Variants in LRP1B observed in about 807,000 individuals in gnomAD.
LRP1B encodes low-density lipoprotein receptor-related protein 1B.
Under a neutral mutation model 556.6 loss-of-function variants are expected in LRP1B, and 217 were observed. The observed-to-expected ratio is 0.39, with a 90% CI of 0.35 to 0.44. LRP1B has a LOEUF of 0.44. LRP1B is among the 20% of genes least tolerant of loss of function. The probability of loss-of-function intolerance (pLI) is 1.00; values close to 1 mark genes in which losing one functional copy is unlikely to be tolerated. For missense variants in LRP1B, 5,053 were observed against 5,620.8 expected (o/e 0.90, Z 3.23); for synonymous variants, 2,047 against 1,865.8 (o/e 1.10, Z -2.50).
At chr2:141,513,890 A>G (rs1019093888) in intron 2 of LRP1B, among the ~76,000 whole-genome samples, 8 of 152,122 alleles carry the variant, frequency 5.3e-5, no homozygotes, top group African/African-American at 1.9e-4. Context: ...ACATCTCCCC[A>G]AAAAATGGTC....
intron 2 of LRP1B, among the ~76,000 whole-genome samples, chr2:141,665,405 C>G (rs1690390474): frequency 6.6e-6 from 1 of 152,054 alleles, no homozygotes; most frequent in Admixed American, 6.5e-5. Flanking sequence ...GTCATAATGG[C>G]TATTGTTACA....
intron 18 of LRP1B, among the ~76,000 whole-genome samples, chr2:140,975,892 T>C (rs554108511): frequency 6.6e-6 from 1 of 152,190 alleles, no homozygotes; most frequent in Admixed American, 6.6e-5. Flanking sequence ...TAGCTGAAAC[T>C]CTTCCTTATT....
intron 75 of LRP1B, among the ~76,000 whole-genome samples, chr2:140,354,692 G>A (rs932143847): frequency 2.6e-5 from 4 of 151,732 alleles, no homozygotes; most frequent in Non-Finnish European, 5.9e-5. Flanking sequence ...CATCATTTTC[G>A]CCTCATCTCT....
intron 7 of LRP1B, among the ~76,000 whole-genome samples, chr2:141,117,741 G>A (rs1700942406): frequency 6.6e-6 from 1 of 151,972 alleles, no homozygotes; most frequent in South Asian, 2.1e-4. Flanking sequence ...AATGGAGTTA[G>A]CAGCATTTTT....
intron 43 of LRP1B, among the ~76,000 whole-genome samples, chr2:140,553,543 C>T (rs1251496656): frequency 2.0e-5 from 3 of 151,886 alleles, no homozygotes; most frequent in Admixed American, 6.6e-5. Flanking sequence ...TAGATAACTA[C>T]CTTCAAATAG....
intron 66 of LRP1B, among the ~76,000 whole-genome samples, chr2:140,391,773 A>C (rs1246060224): frequency 6.6e-6 from 1 of 152,144 alleles, no homozygotes; most frequent in East Asian, 1.9e-4. Context: ...AAAAAAGTAC[A>C]TACAAAGTAC....
At position 140,742,481 on chromosome 2, in the gene LRP1B, T is replaced by C. The variant is rs538464837; in HGVS notation, c.5759-25665A>G. ...ATTAAAATATATGTTATATCCCAAA[T>C]CTTGCTATTCAATAAAACAGACGAC... is the stretch of plus-strand genomic sequence containing the variant. On this transcript the variant is annotated intron_variant, in intron 35 of 90. Coordinates refer to ENST00000389484, the MANE Select transcript of LRP1B (RefSeq NM_018557.3). Among the ~76,000 whole-genome samples, 3 of 152,284 alleles carry C rather than the reference T, an allele frequency of 2.0e-5. No homozygotes were observed. The South Asian group carries it at 6.2e-4, about 32-fold the overall frequency.
At chr2:140,290,771 A>C (rs573115432) in intron 84 of LRP1B, among the ~76,000 whole-genome samples, 7 of 152,170 alleles carry the variant, frequency 4.6e-5, no homozygotes, top group African/African-American at 1.7e-4. Context: ...GACCAGGTTG[A>C]GCCAGTATGC....
At chr2:140,772,849 T>C (rs988273739) in intron 33 of LRP1B, among the ~76,000 whole-genome samples, 1 of 152,106 alleles carries the variant, frequency 6.6e-6, no homozygotes, top group East Asian at 1.9e-4. Flanking sequence ...CTCATACCTG[T>C]AATCTCAGCA....
chr2:141,837,702 T>A (rs367758975), intron 1 of LRP1B, among the ~76,000 whole-genome samples: 1 of 152,056 alleles, frequency 6.6e-6, no homozygotes, highest in Non-Finnish European at 1.5e-5. Flanking sequence ...TAGTACATAG[T>A]AAAGGAAATC....
chr2:142,095,574 A>T lies in LRP1B; in HGVS notation c.82+35074T>A, dbSNP rs116679030. 2.8e-3 allele frequency among the ~76,000 whole-genome samples: 420 copies of T among 151,856 alleles called. 1 individual carries two copies. Among genetic ancestry groups the T allele is most frequent in the African/African-American group, 9.6e-3 (397 of 41,486 alleles). ...CCAATGACTTAAATATTCTGAGAGT[A>T]CCCATAGGGTTATATAGGCCTGAGT... is the stretch of plus-strand genomic sequence containing the variant. On this transcript the variant is annotated intron_variant, in intron 1 of 90. Coordinates refer to ENST00000389484, the MANE Select transcript of LRP1B (RefSeq NM_018557.3).
chr2:141,961,872 A>G (rs1701412725), intron 1 of LRP1B, among the ~76,000 whole-genome samples: 1 of 151,818 alleles, frequency 6.6e-6, no homozygotes, highest in Non-Finnish European at 1.5e-5. Flanking sequence ...AAATGGAGGT[A>G]AAGCAGATAA....
chr2:142,053,351 T>C (rs1704539536), intron 1 of LRP1B, among the ~76,000 whole-genome samples: 1 of 152,114 alleles, frequency 6.6e-6, no homozygotes, highest in Non-Finnish European at 1.5e-5. Context: ...AGACAGTCAT[T>C]AGGAATAAAA....
chr2:140,503,507 A>G (rs140920544), intron 53 of LRP1B, among the ~76,000 whole-genome samples: 1 of 152,242 alleles, frequency 6.6e-6, no homozygotes, highest in Non-Finnish European at 1.5e-5. Flanking sequence ...GATAATTCTC[A>G]GAAGCTCTGA....
intron 1 of LRP1B, among the ~76,000 whole-genome samples, chr2:141,874,144 G>A (rs971567175): frequency 4.0e-5 from 5 of 125,552 alleles, no homozygotes; most frequent in Non-Finnish European, 6.4e-5. Context: ...TATTTAATCC[G>A]GAATGTTTAT....
chr2:140,964,200 A>G (rs531667465), intron 18 of LRP1B, among the ~76,000 whole-genome samples: 12 of 152,284 alleles, frequency 7.9e-5, no homozygotes, highest in African/African-American at 2.6e-4. Context: ...ATCAGGGACT[A>G]TTAGTATTTT....
intron 2 of LRP1B, among the ~76,000 whole-genome samples, chr2:141,531,623 A>C (rs558306181): frequency 1.3e-5 from 2 of 152,188 alleles, no homozygotes; most frequent in African/African-American, 2.4e-5. Flanking sequence ...CACCAAAGTC[A>C]ATACTGAAAG....
At chr2:141,341,081 TG>T (rs959608601) in intron 3 of LRP1B, among the ~76,000 whole-genome samples, 3 of 152,218 alleles carry the variant, frequency 2.0e-5, no homozygotes, top group Admixed American at 2.0e-4. Flanking sequence ...ATAGCATTTA[TG>T]GATGAGTTAC....
chr2:141,185,662 C>T, intron 7 of LRP1B, among the ~76,000 whole-genome samples: 1 of 99,906 alleles, frequency 1.0e-5, no homozygotes, highest in Non-Finnish European at 1.9e-5. Flanking sequence ...ATATTTAAAC[C>T]ATGGAGAACT....
Sources: allele counts gnomAD v4.1 joint callset (sites outside exome capture counted in the v4.1 genomes callset), GRCh38; gene constraint gnomAD v4.1.1; transcripts MANE v1.5; gene names NCBI Gene and HGNC (gene_info 2026-07-23, HGNC 2026-07-21).